RORA: variants seen among roughly 807,000 people sequenced by gnomAD.
The protein encoded by RORA is RAR related orphan receptor A.
RORA carries 7 observed loss-of-function variants against 69.5 expected under a neutral mutation model. The ratio of observed to expected loss-of-function variants is 0.10; its 90% CI spans 0.06 to 0.19. The LOEUF (loss-of-function observed/expected upper bound fraction) is 0.19. Among genes scored for constraint, RORA ranks in the 10% least tolerant of loss-of-function variants. The probability of loss-of-function intolerance (pLI) is 1.00; values close to 1 mark genes in which losing one functional copy is unlikely to be tolerated. For missense variants in RORA, 457 were observed against 663.0 expected, an observed-to-expected ratio of 0.69 and a Z score of 3.41; for synonymous variants, 261 against 240.8, an observed-to-expected ratio of 1.08 and a Z score of -0.78.
At chr15:60,668,175 G>A (rs886591511) in intron 2 of RORA, among the ~76,000 whole-genome samples, 5 of 152,110 alleles carry the variant, frequency 3.3e-5, no homozygotes, top group Admixed American at 3.3e-4. Context: ...CTCACTCCAC[G>A]TAGATCAGTT....
At chr15:61,023,272 GA>G (rs971193530) in intron 1 of RORA, among the ~76,000 whole-genome samples, 31 of 151,872 alleles carry the variant, frequency 2.0e-4, no homozygotes, top group South Asian at 4.2e-4. Flanking sequence ...TGAGACTGGG[GA>G]AAAAAAGAGG....
In RORA at chr15:61,077,245, GT is replaced by G. The variant is rs201144048; in HGVS notation, c.166+151807del. Among the ~76,000 whole-genome samples the G allele has an allele frequency of 4.2e-3, 635 of 152,226 alleles. 3 individuals are homozygous for G. The highest frequency in any genetic ancestry group is 7.5e-3 in the Non-Finnish European group (511 of 68,010). On this transcript the variant is annotated intron_variant, in intron 1 of 10. Coordinates refer to ENST00000335670, the MANE Select transcript of RORA (RefSeq NM_134261.3). ...GTGTGGTGGGGGCAAGGAAAGGGTA[GT>G]GAGGGGAGAAAGATAAGGAGAGAGA...
intron 1 of RORA, among the ~76,000 whole-genome samples, chr15:60,833,304 C>T (rs1033815350): frequency 2.0e-5 from 3 of 152,104 alleles, no homozygotes; most frequent in Non-Finnish European, 2.9e-5. Context: ...CAACCTCCAC[C>T]TCCCAGGTTC....
At chr15:60,965,274 C>A (rs1465286749) in intron 1 of RORA, among the ~76,000 whole-genome samples, 2 of 152,120 alleles carry the variant, frequency 1.3e-5, no homozygotes, top group African/African-American at 4.8e-5. Flanking sequence ...TTCCCAGCAT[C>A]ATTTTTCAAT....
chr15:60,672,108 C>T (rs775074569), intron 2 of RORA, among the ~76,000 whole-genome samples: 2 of 152,068 alleles, frequency 1.3e-5, no homozygotes, highest in Non-Finnish European at 2.9e-5. Flanking sequence ...AAAGTAAGAA[C>T]GCTGTACAGT....
At chr15:60,515,461 A>G (rs1417961300) in intron 3 of RORA, among the ~76,000 whole-genome samples, 1 of 152,194 alleles carries the variant, frequency 6.6e-6, no homozygotes, top group Non-Finnish European at 1.5e-5. Context: ...TGTTTGGGAA[A>G]TGAGAGGGGA....
chr15:60,695,938 A>C (rs906737773), intron 1 of RORA, among the ~76,000 whole-genome samples: 1 of 152,014 alleles, frequency 6.6e-6, no homozygotes, highest in African/African-American at 2.4e-5. Flanking sequence ...AATGGCACAA[A>C]GCACTGTTCC....
At chr15:61,202,867 C>T (rs532143976) in intron 1 of RORA, among the ~76,000 whole-genome samples, 39 of 152,276 alleles carry the variant, frequency 2.6e-4, no homozygotes, top group African/African-American at 9.1e-4. Context: ...CTCTGAATTT[C>T]CACTACCCTG....
chr15:60,815,325 A>G (rs189871067), intron 1 of RORA, among the ~76,000 whole-genome samples: 6 of 152,180 alleles, frequency 3.9e-5, no homozygotes, highest in Non-Finnish European at 8.8e-5. Context: ...AATACCTATA[A>G]ATGTCTCTCC....
intron 1 of RORA, among the ~76,000 whole-genome samples, chr15:61,183,439 G>T (rs890316016): frequency 3.3e-5 from 5 of 151,412 alleles, no homozygotes; most frequent in Admixed American, 2.0e-4. Context: ...GGAGGCTGAG[G>T]CAGGAAAATC....
At chr15:60,722,680 C>T (rs2071308719) in intron 1 of RORA, among the ~76,000 whole-genome samples, 1 of 152,180 alleles carries the variant, frequency 6.6e-6, no homozygotes, top group Non-Finnish European at 1.5e-5. Flanking sequence ...TGCTCCGTGC[C>T]AGATCTCACA....
intron 3 of RORA, among the ~76,000 whole-genome samples, chr15:60,517,123 T>A (rs188092401): frequency 1.3e-5 from 2 of 150,360 alleles, no homozygotes; most frequent in Non-Finnish European, 1.5e-5. Context: ...TTTTTTTTTT[T>A]CCCCCCTACA....
intron 2 of RORA, among the ~76,000 whole-genome samples, chr15:60,542,728 A>ACACCTCCCACACACGGCACACG (rs1567073695): frequency 6.9e-6 from 1 of 145,448 alleles, no homozygotes; most frequent in African/African-American, 2.8e-5. Flanking sequence ...CACGGCACAC[A>ACACCTCCCACACACGGCACACG]GGCACACCTC....
intron 3 of RORA, among the ~76,000 whole-genome samples, chr15:60,525,454 T>G (rs1198277195): frequency 1.3e-5 from 2 of 152,234 alleles, no homozygotes; most frequent in Non-Finnish European, 2.9e-5. Flanking sequence ...AATGAATTGA[T>G]TCCTACAGTT....
chr15:61,068,746 C>A (rs1420973211), intron 1 of RORA, among the ~76,000 whole-genome samples: 1 of 152,184 alleles, frequency 6.6e-6, no homozygotes, highest in Admixed American at 6.5e-5. Context: ...TAAGCTTTAG[C>A]TTAGCTCATT....
At chr15:61,198,840 C>T (rs928614803) in intron 1 of RORA, among the ~76,000 whole-genome samples, 1 of 152,082 alleles carries the variant, frequency 6.6e-6, no homozygotes, top group African/African-American at 2.4e-5. Context: ...GCTTACTCTC[C>T]ATACTAATTC....
chr15:61,133,094 T>C (rs1200855255), intron 1 of RORA, among the ~76,000 whole-genome samples: 8 of 152,032 alleles, frequency 5.3e-5, no homozygotes, highest in African/African-American at 1.9e-4. Flanking sequence ...AGAAAATGTA[T>C]CATACTAGAA....
chr15:61,029,289 G>A (rs908056096), intron 1 of RORA, among the ~76,000 whole-genome samples: 7 of 152,082 alleles, frequency 4.6e-5, no homozygotes, highest in African/African-American at 7.2e-5. Flanking sequence ...GACACATGAC[G>A]AGCACCATTG....
intron 1 of RORA, among the ~76,000 whole-genome samples, chr15:61,083,852 G>C (rs746826395): frequency 3.3e-5 from 5 of 152,062 alleles, no homozygotes; most frequent in Non-Finnish European, 5.9e-5. Flanking sequence ...AAAACAGAGG[G>C]AGAACATAAA....
Sources: allele counts gnomAD v4.1 joint callset (sites outside exome capture counted in the v4.1 genomes callset), GRCh38; gene constraint gnomAD v4.1.1; transcripts MANE v1.5; gene names NCBI Gene and HGNC (gene_info 2026-07-23, HGNC 2026-07-21).